The following LIN9 variants were observed in gnomAD, a reference collection of about 807,000 sequenced individuals.
LIN9 encodes lin-9 DREAM MuvB core complex component, also known as protein lin-9 homolog.
Under a neutral mutation model 78.0 loss-of-function variants are expected in LIN9, and 18 were observed. The observed-to-expected ratio is 0.23, with a 90% confidence interval of 0.16 to 0.34. LIN9 has a LOEUF of 0.34. Among genes scored for constraint, LIN9 ranks in the 10% least tolerant of loss-of-function variants. The pLI is 1.00. For missense variants in LIN9, 451 were observed against 644.1 expected (o/e 0.70, Z 3.25); for synonymous variants, 192 against 215.2 (o/e 0.89, Z 0.94).
chr1:226,252,318 A>G (rs6681541), intron 10 of LIN9, among the ~76,000 whole-genome samples: 6,228 of 135,764 alleles, frequency 0.046, 288 homozygotes, highest in African/African-American at 0.12. Flanking sequence ...ATAAATAAAT[A>G]AATGAATGAA....
chr1:226,291,780 A>G (rs1002954577), intron 4 of LIN9, among the ~76,000 whole-genome samples: 11 of 152,144 alleles, frequency 7.2e-5, no homozygotes, highest in Non-Finnish European at 1.3e-4. Context: ...TAACTAAACT[A>G]CAGGCTTTAT....
rs759432059 is a variant in LIN9 at position 226,246,618 on chromosome 1, T to TA, written c.1119+4220dup. On this transcript the variant is annotated intron_variant, in intron 11 of 14. Transcript: ENST00000681046. ...CAACATGGTGAAACCCCGTCTCTAC[T>TA]AAAAAAAAAAAAAAAATACAAAAAA... is the stretch of plus-strand genomic sequence containing the variant. 2.8e-3 allele frequency among the ~76,000 whole-genome samples: 369 copies of TA among 131,524 alleles called. 1 individual carries two copies. Among genetic ancestry groups the TA allele is most frequent in the Middle Eastern group, 7.6e-3 (2 of 262 alleles). The allele number at this position is 131,524 out of a possible 152,430, so 86.3% of individuals were successfully genotyped here. A position where few individuals can be genotyped will look rare whatever the true frequency, so the allele number is the denominator to read the frequency against.
chr1:226,292,942 C>A (rs1350388335), intron 4 of LIN9, among the ~76,000 whole-genome samples: 2 of 152,112 alleles, frequency 1.3e-5, no homozygotes, highest in African/African-American at 4.8e-5. Flanking sequence ...GTAACAGTAA[C>A]CTATCTCATA....
intron 7 of LIN9, among the ~76,000 whole-genome samples, chr1:226,270,172 C>T (rs1227893962): frequency 1.3e-5 from 2 of 152,124 alleles, no homozygotes; most frequent in African/African-American, 2.4e-5. Flanking sequence ...GTGATCCGCC[C>T]GCCTCAGACT....
At chr1:226,280,770 T>C (rs764555417) in intron 6 of LIN9, among the ~76,000 whole-genome samples, 6 of 151,976 alleles carry the variant, frequency 3.9e-5, no homozygotes, top group Non-Finnish European at 7.4e-5. Flanking sequence ...CGAGACTCCA[T>C]CTCAAAAACA....
chr1:226,241,428 G>A (rs980774837), intron 11 of LIN9, among the ~76,000 whole-genome samples: 1 of 152,084 alleles, frequency 6.6e-6, no homozygotes, highest in Non-Finnish European at 1.5e-5. Flanking sequence ...CTCTTACAGC[G>A]AATTTGAGGG....
In LIN9 at chr1:226,297,830, A is replaced by C; in HGVS notation, c.65-17T>G. The C allele has an allele frequency of 6.9e-7, 1 of 1,445,776 alleles. No individual in the cohort carries two copies. Among genetic ancestry groups the C allele is most frequent in the Non-Finnish European group, 9.3e-7 (1 of 1,071,950 alleles). 89.6% of individuals were successfully genotyped at this position (1,445,776 alleles called of 1,614,324 possible). ...AGCTTCCTTCTGTAATAAATAGTTA[A>C]TACTAATGGAATTTTGGCTTAGTTC... On this transcript the variant is annotated splice_polypyrimidine_tract_variant and intron_variant, in intron 2 of 14. Transcript: ENST00000681046.
chr1:226,265,288 G>C lies in LIN9; in HGVS notation c.1038+245C>G, dbSNP rs1196580405. Among the ~76,000 whole-genome samples the C allele has an allele frequency of 2.0e-5, 3 of 152,222 alleles. No homozygotes were observed. Among genetic ancestry groups the C allele is most frequent in the Non-Finnish European group, 4.4e-5 (3 of 68,036 alleles). The stretch of plus-strand genomic sequence containing the variant: ...TCAGAATTTCACAGAACATATGCAA[G>C]AATGTTTGAGCCCTTAAAATAGCAG... On this transcript the variant is annotated intron_variant, in intron 10 of 14. Coordinates refer to ENST00000681046, the MANE Select transcript of LIN9 (RefSeq NM_001366245.2). This position sits in a 1 kb window ranked among gnomAD's most constrained non-coding sequence, Gnocchi z 4.1.
rs4012808 is a variant in LIN9 at position 226,267,230 on chromosome 1, G to GATATATATATATAT, written c.816+713_816+726dup. Among the ~76,000 whole-genome samples the GATATATATATATAT allele has an allele frequency of 9.4e-5, 13 of 137,698 alleles. No individual in the cohort carries two copies. The Admixed American group carries it at 9.7e-4, about 10-fold the overall frequency. 90.3% of individuals were successfully genotyped at this position (137,698 alleles called of 152,430 possible). A position where few individuals can be genotyped will look rare whatever the true frequency, so the allele number is the denominator to read the frequency against. ...CAATATTGTATTTCTGCACTAAGGA[G>GATATATATATATAT]ATATATATATATATATATATATATT... On this transcript the variant is annotated intron_variant, in intron 8 of 14. Transcript: ENST00000681046.
In LIN9 at chr1:226,297,392, T is replaced by C. The variant is rs530073616; in HGVS notation, c.159+327A>G. Among the ~76,000 whole-genome samples, 73 of 152,354 alleles carry C rather than the reference T, an allele frequency of 4.8e-4. 1 individual carries two copies. The highest frequency in any genetic ancestry group is 1.6e-3 in the African/African-American group (67 of 41,586). The stretch of plus-strand genomic sequence containing the variant: ...TTTTTCTTTTTGTCTATACAAGATT[T>C]TAATACCTTACCACATATATATATT... On this transcript the variant is annotated intron_variant, in intron 3 of 14. Coordinates refer to ENST00000681046, the MANE Select transcript of LIN9 (RefSeq NM_001366245.2).
intron 2 of LIN9, among the ~76,000 whole-genome samples, chr1:226,299,372 T>C (rs1336013409): frequency 6.6e-6 from 1 of 151,744 alleles, no homozygotes; most frequent in African/African-American, 2.4e-5. Flanking sequence ...GGTGTGGTGA[T>C]GCATGCCTGC....
At position 226,286,385 on chromosome 1, in the gene LIN9, A is replaced by G. The variant is rs750438602; in HGVS notation, c.472T>C (p.Leu158=). ...ATTTTTCCCCATTCTACTCTTGTTAACTTTCTTGTTTTCAAATTAGGAAAA... is the reference window on the plus strand; with the variant it reads ...ATTTTTCCCCATTCTACTCTTGTTAGCTTTCTTGTTTTCAAATTAGGAAAA... ...ESFPNLKTRK[L]TRVEWGKIRR... The change falls in exon 6 of 15, where the codon TTA becomes CTA. Residue 158 remains leucine (L), a synonymous_variant. Coordinates refer to ENST00000681046, the MANE Select transcript of LIN9 (RefSeq NM_001366245.2). 5.6e-6 allele frequency: 9 copies of G among 1,612,660 alleles called. No individual in the cohort carries two copies. The South Asian group carries it at 9.9e-5, about 18-fold the overall frequency.
intron 6 of LIN9, among the ~76,000 whole-genome samples, chr1:226,281,913 C>T (rs1048278802): frequency 6.6e-6 from 1 of 152,012 alleles, no homozygotes; most frequent in Admixed American, 6.6e-5. Context: ...AGGCTGCTCT[C>T]GAACTCCTGA....
intron 10 of LIN9, among the ~76,000 whole-genome samples, chr1:226,256,614 A>T (rs1279452027): frequency 6.6e-6 from 1 of 151,724 alleles, no homozygotes; most frequent in African/African-American, 2.4e-5. Flanking sequence ...GCTGGAGTGC[A>T]GTGGTGCGAT....
intron 10 of LIN9, among the ~76,000 whole-genome samples, chr1:226,253,920 A>G (rs1180420743): frequency 6.6e-6 from 1 of 152,130 alleles, no homozygotes; most frequent in Non-Finnish European, 1.5e-5. Flanking sequence ...GTTTCAAAAA[A>G]GAAAAAAAAG....
chr1:226,277,470 C>G (rs1408735776), intron 7 of LIN9, among the ~76,000 whole-genome samples: 1 of 152,116 alleles, frequency 6.6e-6, no homozygotes, highest in Non-Finnish European at 1.5e-5. Context: ...TAGAGATTAT[C>G]TGGGTTATTT....
chr1:226,256,569 A>T (rs182786480), intron 10 of LIN9, among the ~76,000 whole-genome samples: 6,073 of 150,232 alleles, frequency 0.04, 292 homozygotes, highest in African/African-American at 0.12. Flanking sequence ...ATATATATAT[A>T]TTTTTTTGAG....
chr1:226,283,516 T>C (rs910466178), intron 6 of LIN9, among the ~76,000 whole-genome samples: 4 of 152,112 alleles, frequency 2.6e-5, no homozygotes, highest in Non-Finnish European at 5.9e-5. Flanking sequence ...ATTAGCTCTC[T>C]GTAATAAGAT....
chr1:226,262,866 CA>C (rs1164206416), intron 10 of LIN9, among the ~76,000 whole-genome samples: 2 of 152,026 alleles, frequency 1.3e-5, no homozygotes, highest in African/African-American at 2.4e-5. Flanking sequence ...TCATAATTGC[CA>C]AAATTTGAAA....
Sources: allele counts gnomAD v4.1 joint callset (sites outside exome capture counted in the v4.1 genomes callset), GRCh38; gene constraint gnomAD v4.1.1; non-coding constraint Gnocchi (gnomAD v3.1); transcripts MANE v1.5; gene names NCBI Gene and HGNC (gene_info 2026-07-23, HGNC 2026-07-21).